Variants in HECW1 observed in about 807,000 individuals in gnomAD.
The protein encoded by HECW1 is HECT, C2 and WW domain containing E3 ubiquitin protein ligase 1, also known as E3 ubiquitin-protein ligase HECW1.
Under a neutral mutation model 182.3 loss-of-function variants are expected in HECW1, and 61 were observed. That is an observed-to-expected ratio of 0.33 (90% confidence interval 0.27 to 0.41). The LOEUF is 0.41. Among genes scored for constraint, HECW1 ranks in the 10% least tolerant of loss-of-function variants. HECW1 has a pLI of 1.00. For missense variants in HECW1, 1,739 were observed against 2,108.9 expected (o/e 0.82, Z 3.44); for synonymous variants, 859 against 832.6 (o/e 1.03, Z -0.55).
intron 2 of HECW1, among the ~76,000 whole-genome samples, chr7:43,235,325 A>G (rs1408346775): frequency 1.3e-5 from 2 of 152,244 alleles, no homozygotes; most frequent in African/African-American, 2.4e-5. Flanking sequence ...CTGTCCTCCC[A>G]GCCTGCACTT....
chr7:43,194,095 C>T (rs569758581), intron 2 of HECW1, among the ~76,000 whole-genome samples: 4 of 152,198 alleles, frequency 2.6e-5, no homozygotes, highest in East Asian at 1.9e-4. Flanking sequence ...AATGTTAATG[C>T]TGGTCAGTGG....
chr7:43,426,552 A>G (rs2076369172), intron 8 of HECW1, among the ~76,000 whole-genome samples: 1 of 152,174 alleles, frequency 6.6e-6, no homozygotes, highest in South Asian at 2.1e-4. Context: ...GGATTTCTGT[A>G]ATTATCTATG....
In HECW1 at chr7:43,508,984, C is replaced by A. The variant is rs759062402; in HGVS notation, c.3882C>A (p.Gly1294=). ...TTCTTTGCAGCCTGGACTACAGTGG[C>A]CCCTCGCGGGAGTTCTTCTTCCTTC... ...FVGEEGLDYS[G]PSREFFFLLS... Residue 1294 remains glycine, a synonymous_variant, in exon 24 of 30, where the codon GGC becomes GGA. Coordinates refer to ENST00000395891, the MANE Select transcript of HECW1 (RefSeq NM_015052.5). 2.7e-5 allele frequency: 43 copies of A among 1,613,762 alleles called. No individual in the cohort carries two copies. In the South Asian group the frequency reaches 4.3e-4, roughly 16 times the overall value.
At chr7:43,277,595 T>TTC (rs1803322653) in intron 3 of HECW1, among the ~76,000 whole-genome samples, 1 of 152,152 alleles carries the variant, frequency 6.6e-6, no homozygotes, top group African/African-American at 2.4e-5. Flanking sequence ...TTCCAGCAGC[T>TTC]TCTCTCTCCC....
At position 43,336,553 on chromosome 7, in the gene HECW1, C is replaced by T. The variant is rs567422014; in HGVS notation, c.460+15811C>T. 2.0e-5 allele frequency among the ~76,000 whole-genome samples: 3 copies of T among 152,188 alleles called. No homozygotes were observed. The South Asian group carries it at 6.2e-4, about 32-fold the overall frequency. On this transcript the variant is annotated intron_variant, in intron 5 of 29. Coordinates refer to ENST00000395891, the MANE Select transcript of HECW1 (RefSeq NM_015052.5). ...CTTTTTCTTTTCTTGTTTATTTTCT[C>T]TTATTTCATTTTAAATTCAAGGGGT...
chr7:43,361,098 A>G, intron 6 of HECW1, 118 bp downstream of exon 6: 2 of 647,918 alleles, frequency 3.1e-6, no homozygotes, highest in East Asian at 2.7e-5. Context: ...GTACGTGTAC[A>G]TACACACATA....
chr7:43,252,142 G>A (rs990578464), intron 3 of HECW1, among the ~76,000 whole-genome samples: 16 of 152,248 alleles, frequency 1.1e-4, no homozygotes, highest in African/African-American at 3.9e-4. Flanking sequence ...CAGCATATAA[G>A]TGTTTCACTT....
intron 9 of HECW1, among the ~76,000 whole-genome samples, chr7:43,441,859 G>A (rs983118483): frequency 6.6e-6 from 1 of 152,150 alleles, no homozygotes; most frequent in African/African-American, 2.4e-5. Flanking sequence ...ACAAAAACAG[G>A]TGGTGGGCCA....
chr7:43,329,719 G>T (rs537642695), intron 5 of HECW1, among the ~76,000 whole-genome samples: 1 of 152,124 alleles, frequency 6.6e-6, no homozygotes, highest in Admixed American at 6.5e-5. Context: ...CGGACACGGC[G>T]TGCTAAGGAG....
intron 3 of HECW1, among the ~76,000 whole-genome samples, chr7:43,307,281 T>C (rs749912922): frequency 4.2e-4 from 64 of 152,194 alleles, no homozygotes; most frequent in Non-Finnish European, 7.5e-4. Flanking sequence ...AAACTATTGC[T>C]GATATTCTTG....
chr7:43,501,201 T>TAATA lies in HECW1; in HGVS notation c.3522-12_3522-11insAATA. 2 of 1,222,690 alleles carry TAATA rather than the reference T, an allele frequency of 1.6e-6. No individual in the cohort carries two copies. Among genetic ancestry groups the TAATA allele is most frequent in the Non-Finnish European group, 2.3e-6 (2 of 864,794 alleles). 75.7% of individuals were successfully genotyped at this position (1,222,690 alleles called of 1,614,324 possible). A position where few individuals can be genotyped will look rare whatever the true frequency, so the allele number is the denominator to read the frequency against. On this transcript the variant is annotated splice_polypyrimidine_tract_variant and intron_variant, in intron 20 of 29. Coordinates refer to ENST00000395891, the MANE Select transcript of HECW1 (RefSeq NM_015052.5). ...TTTCTTTCTTTTTTTTTTTTTTTTT[T>TAATA]TTCATATGCAGTCTCTTTGAAGAAG...
chr7:43,394,733 C>G (rs2075166547), intron 6 of HECW1, among the ~76,000 whole-genome samples: 1 of 152,130 alleles, frequency 6.6e-6, no homozygotes, highest in African/African-American at 2.4e-5. Context: ...TTCACCTTGC[C>G]CACTGTCTAG....
chr7:43,170,853 A>G (rs541029854), intron 2 of HECW1, among the ~76,000 whole-genome samples: 1 of 152,340 alleles, frequency 6.6e-6, no homozygotes, highest in South Asian at 2.1e-4. Context: ...GGCTGAGCTG[A>G]AAGTAGGGCG....
At position 43,444,805 on chromosome 7, in the gene HECW1, G is replaced by A. The variant is rs773942584; in HGVS notation, c.1633G>A (p.Val545Met). ...CSLPVSELET[V>M]IASACGDPET... The stretch of plus-strand genomic sequence containing the variant: ...CTTGCCTGTGTCCGAGCTGGAGACG[G>A]TGATCGCGTCAGCCTGCGGGGACCC... Residue 545 changes from valine (V) to methionine (M), a missense_variant, in exon 11 of 30, where the codon GTG becomes ATG. Val to Met is a conservative substitution (Grantham distance 21). Coordinates refer to ENST00000395891, the MANE Select transcript of HECW1 (RefSeq NM_015052.5). This position sits in a 1 kb window ranked among gnomAD's most constrained non-coding sequence, Gnocchi z 4.3. 1 of 1,614,100 alleles carries A rather than the reference G, an allele frequency of 6.2e-7. No homozygotes were observed. Among genetic ancestry groups the A allele is most frequent in the Admixed American group, 1.7e-5 (1 of 60,038 alleles).
At chr7:43,553,811 T>C (rs1386613192) in intron 28 of HECW1, among the ~76,000 whole-genome samples, 7 of 152,168 alleles carry the variant, frequency 4.6e-5, no homozygotes, top group African/African-American at 7.2e-5. Flanking sequence ...TTTCTTGTTA[T>C]TCTTTATTTT....
At chr7:43,490,345 G>A (rs908977635) in intron 17 of HECW1, among the ~76,000 whole-genome samples, 1 of 152,066 alleles carries the variant, frequency 6.6e-6, no homozygotes, top group African/African-American at 2.4e-5. Context: ...CTCCCTTTCT[G>A]GTTCTGGTTC....
chr7:43,276,307 T>TG (rs1397701597), intron 3 of HECW1, among the ~76,000 whole-genome samples: 2 of 152,168 alleles, frequency 1.3e-5, no homozygotes, highest in Admixed American at 6.5e-5. Context: ...TCTTTGTGTG[T>TG]GGGGGTCCCC....
intron 5 of HECW1, among the ~76,000 whole-genome samples, chr7:43,327,614 C>G (rs1810961037): frequency 6.6e-6 from 1 of 152,180 alleles, no homozygotes; most frequent in Admixed American, 6.5e-5. Flanking sequence ...TGTTGGTCTT[C>G]CCTTCGTTAT....
Position 43,466,449 on chromosome 7 carries a change from C to G in HECW1, c.2794C>G (p.Leu932Val), listed in dbSNP as rs1332078696. ...TGCTTTGCTTCACTTTTTTTCAGAT[C>G]TAAGGAGAGAAGGGTCACTTTCTCC... ...EAESSQSSLDLRREGSLSPVN... is the reference protein window; with the variant it reads ...EAESSQSSLDVRREGSLSPVN... The change falls in exon 15 of 30, where the codon CTA becomes GTA. Residue 932 changes from leucine to valine, a missense_variant and splice_region_variant. Transcript: ENST00000395891. The G allele has an allele frequency of 6.2e-7, 1 of 1,613,396 alleles. No individual in the cohort carries two copies.
Sources: gnomAD v4.1 joint callset for allele counts (sites outside exome capture counted in the v4.1 genomes callset) on GRCh38, gnomAD v4.1.1 for gene constraint, Gnocchi (gnomAD v3.1) non-coding constraint, MANE v1.5 for transcripts, NCBI Gene and HGNC (gene_info 2026-07-23, HGNC 2026-07-21) for gene names.